Variants in RBFOX1 observed in about 807,000 individuals in gnomAD.
RBFOX1 encodes the protein RNA binding fox-1 homolog 1.
In RBFOX1, 8 loss-of-function variants were observed where a neutral mutation model predicts 57.7. That is an observed-to-expected ratio of 0.14 (90% CI 0.08 to 0.25). The LOEUF (loss-of-function observed/expected upper bound fraction) is 0.25, where lower values mean the gene tolerates loss of function less well. Among genes scored for constraint, RBFOX1 ranks in the 10% least tolerant of loss-of-function variants. The pLI, the probability that RBFOX1 is intolerant of heterozygous loss-of-function variation, is 1.00. For synonymous variants in RBFOX1, 326 were observed against 222.4 expected (o/e 1.47, Z -4.15); for missense variants, 611 against 548.5 (o/e 1.11, Z -1.14).
At chr16:6,967,329 A>G (rs539968329) in intron 3 of RBFOX1, among the ~76,000 whole-genome samples, 129 of 152,206 alleles carry the variant, frequency 8.5e-4, no homozygotes, top group African/African-American at 2.8e-3. Context: ...ACATCCATCC[A>G]TCTACCAGCA....
At chr16:7,563,065 G>A (rs2090796848) in intron 5 of RBFOX1, among the ~76,000 whole-genome samples, 1 of 152,180 alleles carries the variant, frequency 6.6e-6, no homozygotes, top group Non-Finnish European at 1.5e-5. Context: ...TCCCAAAGAA[G>A]CTCTGAGGCC....
chr16:5,573,502 G>A (rs1187063800), intron 2 of RBFOX1, among the ~76,000 whole-genome samples: 2 of 152,198 alleles, frequency 1.3e-5, no homozygotes, highest in Non-Finnish European at 2.9e-5. Context: ...CACAGCAGGT[G>A]ACTTGGGTAC....
chr16:6,631,500 C>T (rs1001611775), intron 2 of RBFOX1, among the ~76,000 whole-genome samples: 4 of 151,972 alleles, frequency 2.6e-5, no homozygotes, highest in African/African-American at 9.7e-5. Flanking sequence ...AAAGTTACTC[C>T]ATTCGCTCCT....
chr16:6,517,444 A>G (rs1461312852), intron 2 of RBFOX1, among the ~76,000 whole-genome samples: 1 of 152,136 alleles, frequency 6.6e-6, no homozygotes, highest in Non-Finnish European at 1.5e-5. Context: ...TCTGCTGGAC[A>G]GAGAAACAGA....
chr16:6,687,982 C>A (rs1467698184), intron 3 of RBFOX1, among the ~76,000 whole-genome samples: 2 of 152,220 alleles, frequency 1.3e-5, no homozygotes, highest in East Asian at 3.8e-4. Flanking sequence ...AACAAAACCA[C>A]TCTTGGAAAC....
intron 3 of RBFOX1, among the ~76,000 whole-genome samples, chr16:6,875,176 C>T (rs2061613513): frequency 6.6e-6 from 1 of 152,188 alleles, no homozygotes; most frequent in African/African-American, 2.4e-5. Flanking sequence ...TGCACATAAT[C>T]ATCTTCTTTG....
At chr16:7,668,285 T>C (rs1019141) in intron 13 of RBFOX1, among the ~76,000 whole-genome samples, 73,933 of 151,980 alleles carry the variant, frequency 0.49, 18,726 homozygotes, top group Admixed American at 0.6. Context: ...GCGTGATCCC[T>C]GTAACTGGCA....
chr16:5,434,364 C>T (rs974465027), intron 1 of RBFOX1, among the ~76,000 whole-genome samples: 17 of 118,846 alleles, frequency 1.4e-4, no homozygotes, highest in Admixed American at 1.1e-3. Context: ...CTATGTTACC[C>T]AGGCTGGAGT....
chr16:5,335,678 TG>T (rs1228654277), intron 1 of RBFOX1, among the ~76,000 whole-genome samples: 1 of 151,874 alleles, frequency 6.6e-6, no homozygotes, highest in Non-Finnish European at 1.5e-5. Flanking sequence ...TGGCACGGTG[TG>T]GGGGTGGGAA....
chr16:6,480,772 A>T (rs1026982998), intron 2 of RBFOX1, among the ~76,000 whole-genome samples: 9 of 152,190 alleles, frequency 5.9e-5, no homozygotes, highest in Admixed American at 5.2e-4. Context: ...GCTGAGAAAT[A>T]TTTGTATATA....
chr16:6,904,305 C>T (rs2069211519), intron 3 of RBFOX1, among the ~76,000 whole-genome samples: 1 of 152,078 alleles, frequency 6.6e-6, no homozygotes, highest in Non-Finnish European at 1.5e-5. Flanking sequence ...GCTTATGAAA[C>T]CCATCCATCT....
At chr16:5,579,388 C>G (rs554896545) in intron 2 of RBFOX1, among the ~76,000 whole-genome samples, 1 of 152,276 alleles carries the variant, frequency 6.6e-6, no homozygotes, top group African/African-American at 2.4e-5. Flanking sequence ...TGTGCCTCCC[C>G]CAGCATCCTT....
At chr16:7,478,322 A>T (rs1282452859) in intron 4 of RBFOX1, among the ~76,000 whole-genome samples, 1 of 152,262 alleles carries the variant, frequency 6.6e-6, no homozygotes, top group African/African-American at 2.4e-5. Flanking sequence ...TAAAAGGGAT[A>T]GCAAGAGGAA....
chr16:6,110,825 A>G (rs558224128), intron 1 of RBFOX1, among the ~76,000 whole-genome samples: 17 of 152,180 alleles, frequency 1.1e-4, no homozygotes, highest in Non-Finnish European at 2.4e-4. Flanking sequence ...ATTAGTGGGT[A>G]GAGGCCAGAG....
chr16:7,318,076 G>A (rs531720026), intron 4 of RBFOX1, among the ~76,000 whole-genome samples: 140 of 152,034 alleles, frequency 9.2e-4, no homozygotes, highest in Non-Finnish European at 1.8e-3. Flanking sequence ...GGTGGTAGTA[G>A]TGGTGATGAA....
chr16:5,988,798 T>G (rs527303866), intron 4 of RBFOX1, among the ~76,000 whole-genome samples: 27 of 152,230 alleles, frequency 1.8e-4, no homozygotes, highest in Non-Finnish European at 3.4e-4. Flanking sequence ...TTTTTAAATA[T>G]AAAATTCAGC....
At chr16:7,032,422 A>G (rs777681807) in intron 3 of RBFOX1, among the ~76,000 whole-genome samples, 3 of 152,124 alleles carry the variant, frequency 2.0e-5, no homozygotes, top group Middle Eastern at 3.2e-3. Context: ...AATCTGGGCA[A>G]TAGAGCAAGA....
At chr16:7,696,613 G>C (rs1280040623) in intron 14 of RBFOX1, among the ~76,000 whole-genome samples, 1 of 151,870 alleles carries the variant, frequency 6.6e-6, no homozygotes, top group Non-Finnish European at 1.5e-5. Flanking sequence ...TGGGGACATA[G>C]CATTAAATGA....
intron 4 of RBFOX1, among the ~76,000 whole-genome samples, chr16:7,217,009 T>TCCCCTCCC (rs2092166155): frequency 5.9e-5 from 1 of 16,822 alleles, no homozygotes; most frequent in Non-Finnish European, 1.1e-4. Context: ...CCTCCCTCCC[T>TCCCCTCCC]TCCCTCCCTC....
Sources: allele counts gnomAD v4.1 joint callset (sites outside exome capture counted in the v4.1 genomes callset), GRCh38; gene constraint gnomAD v4.1.1; transcripts MANE v1.5; gene names NCBI Gene and HGNC (gene_info 2026-07-23, HGNC 2026-07-21).